Variants in NFX1 observed in about 807,000 individuals in gnomAD.
The protein encoded by NFX1 is nuclear transcription factor, X-box binding 1.
In NFX1, 69 loss-of-function variants were observed where a neutral mutation model predicts 137.2. That is an observed-to-expected ratio of 0.50 (90% CI 0.41 to 0.61). The LOEUF (loss-of-function observed/expected upper bound fraction) is 0.61, where lower values mean the gene tolerates loss of function less well. NFX1 is among the 20% of genes least tolerant of loss of function. NFX1 has a pLI of 0.00. For missense variants in NFX1, 1,167 were observed against 1,391.0 expected (o/e 0.84, Z 2.56); for synonymous variants, 495 against 474.1 (o/e 1.04, Z -0.57).
At chr9:33,342,128 T>TCACACACA (rs150408873) in intron 12 of NFX1, among the ~76,000 whole-genome samples, 41 of 146,182 alleles carry the variant, frequency 2.8e-4, no homozygotes, top group African/African-American at 1.0e-3. Flanking sequence ...TCTCTCTCTC[T>TCACACACA]CACACACACA....
At position 33,370,155 on chromosome 9, in the gene NFX1, A is replaced by G. The variant is rs1824285329; in HGVS notation, c.*177A>G. On this transcript the variant is annotated 3_prime_UTR_variant, in exon 24 of 24. Coordinates refer to ENST00000379540, the MANE Select transcript of NFX1 (RefSeq NM_002504.6). Reference sequence around the variant, plus strand: ...AAATCCCTTGTCTATTCCTGTCTGTATAAAGTGTTTCATTATGACCAGATC... The same window carrying G: ...AAATCCCTTGTCTATTCCTGTCTGTGTAAAGTGTTTCATTATGACCAGATC... The G allele has an allele frequency of 7.2e-6, 4 of 555,126 alleles. No individual in the cohort carries two copies. Among genetic ancestry groups the G allele is most frequent in the South Asian group, 5.2e-5 (2 of 38,834 alleles). The allele number at this position is 555,126 out of a possible 1,614,324, so 34.4% of individuals were successfully genotyped here.
intron 12 of NFX1, among the ~76,000 whole-genome samples, chr9:33,341,633 T>G (rs944705200): frequency 6.6e-6 from 1 of 152,164 alleles, no homozygotes; most frequent in African/African-American, 2.4e-5. Context: ...CTTCCTCTTA[T>G]TATAAAAAAA....
rs1253378899 is a variant in NFX1, at chr9:33,342,736, C to CT, written c.2116-6dup. On this transcript the variant is annotated splice_polypyrimidine_tract_variant and intron_variant, in intron 12 of 23. Transcript: ENST00000379540. Reference sequence around the variant, plus strand: ...CCATTTTATGAACAAATATAAATCTCTTTTCCCAGGATAAGGAGCACAAGT... The same window carrying CT: ...CCATTTTATGAACAAATATAAATCTCTTTTTCCCAGGATAAGGAGCACAAGT... 4 of 1,583,700 alleles carry CT rather than the reference C, an allele frequency of 2.5e-6. No individual in the cohort carries two copies. The East Asian group carries it at 9.0e-5, about 35-fold the overall frequency.
chr9:33,347,565 C>T (rs1823470959), intron 15 of NFX1: 1 of 193,312 alleles, frequency 5.2e-6, no homozygotes, highest in Admixed American at 5.8e-5. Flanking sequence ...AAAGGGAACA[C>T]TTTTACACTG....
intron 4 of NFX1, among the ~76,000 whole-genome samples, chr9:33,305,153 C>G (rs1370727175): frequency 6.6e-6 from 1 of 152,190 alleles, no homozygotes; most frequent in Non-Finnish European, 1.5e-5. Flanking sequence ...GGTTAACTTA[C>G]CAGAGCTTAC....
At chr9:33,365,151 G>A (rs1481480521) in intron 21 of NFX1, 1 of 225,566 alleles carries the variant, frequency 4.4e-6, no homozygotes, top group Admixed American at 6.0e-5. Context: ...GCGGGCACCT[G>A]TTATTCCAGC....
rs765801764 is a variant in NFX1 at position 33,363,999 on chromosome 9, C to G, written c.2874-11C>G. 2 of 1,551,334 alleles carry G rather than the reference C, an allele frequency of 1.3e-6. No homozygotes were observed. The highest frequency in any genetic ancestry group is 1.2e-5 in the South Asian group (1 of 81,602). On this transcript the variant is annotated splice_polypyrimidine_tract_variant and intron_variant, in intron 19 of 23. Coordinates refer to ENST00000379540, the MANE Select transcript of NFX1 (RefSeq NM_002504.6). ...ACTCCTTTTATTTGCATACCTCTCT[C>G]TCTCTTTCAGGAGATTAGCAGAGGC...
At chr9:33,337,340 T>G (rs1352389313) in intron 11 of NFX1, among the ~76,000 whole-genome samples, 1 of 152,194 alleles carries the variant, frequency 6.6e-6, no homozygotes, top group Non-Finnish European at 1.5e-5. Flanking sequence ...ATTTGAAGTA[T>G]AAGGGAGGGT....
chr9:33,365,799 T>C (rs982842615), intron 21 of NFX1: 4 of 152,160 alleles, frequency 2.6e-5, no homozygotes, highest in African/African-American at 9.7e-5. Context: ...TTCTTTATAA[T>C]TCCAAAGGCA....
rs1258349634 is a variant in NFX1, at chr9:33,352,586, A to G, written c.2656-60A>G. On this transcript the variant is annotated intron_variant, in intron 16 of 23. Coordinates refer to ENST00000379540, the MANE Select transcript of NFX1 (RefSeq NM_002504.6). ...TTTAAGAGAGGATTTAAGAGTGAAA[A>G]GTGCTTTATTCACATAGTTCCAGTG... The G allele has an allele frequency of 3.5e-6, 5 of 1,413,890 alleles. No individual in the cohort carries two copies. In the African/African-American group the frequency reaches 7.0e-5, roughly 20 times the overall value. 87.6% of individuals were successfully genotyped at this position (1,413,890 alleles called of 1,614,324 possible). A position where few individuals can be genotyped will look rare whatever the true frequency, so the allele number is the denominator to read the frequency against.
chr9:33,293,437 T>G (rs973573326), intron 1 of NFX1, among the ~76,000 whole-genome samples: 8 of 152,202 alleles, frequency 5.3e-5, no homozygotes, highest in African/African-American at 1.9e-4. Flanking sequence ...CCATTTTGTG[T>G]GTGTTATTAA....
intron 12 of NFX1, among the ~76,000 whole-genome samples, chr9:33,341,675 A>C (rs1401407025): frequency 1.3e-5 from 2 of 152,226 alleles, no homozygotes. Context: ...TCACACCTGT[A>C]ATTCCACTTT....
chr9:33,367,059 G>A (rs1211003849), intron 22 of NFX1, among the ~76,000 whole-genome samples: 2 of 152,256 alleles, frequency 1.3e-5, no homozygotes, highest in Non-Finnish European at 2.9e-5. Context: ...AAGGGGGCCT[G>A]CCCATCATAT....
rs756238391 is a variant in NFX1 at position 33,295,055 on chromosome 9, G to A, written c.661G>A (p.Ala221Thr). The A allele has an allele frequency of 1.9e-6, 3 of 1,614,138 alleles. No individual in the cohort carries two copies. Among genetic ancestry groups the A allele is most frequent in the Non-Finnish European group, 2.5e-6 (3 of 1,180,020 alleles). The change falls in exon 2 of 24, where the codon GCA becomes ACA. Residue 221 changes from alanine to threonine, a missense_variant. This residue lies in a region of NFX1 where 367 missense variants were observed against 386.7 expected (regional missense o/e 0.95). Transcript: ENST00000379540. ...VGVFHPDSSE[A>T]SSRKGVLDGY... ...GGTTTTCCACCCTGACTCTTCAGAG[G>A]CATCCTCTAGAAAAGGAGTATTGGA...
intron 13 of NFX1, among the ~76,000 whole-genome samples, chr9:33,343,496 T>C (rs1427039018): frequency 6.6e-6 from 1 of 152,194 alleles, no homozygotes; most frequent in Non-Finnish European, 1.5e-5. Context: ...CTTACACAGA[T>C]AGCCTTACAC....
Position 33,354,201 on chromosome 9 carries a change from T to C in NFX1, c.2831+14T>C, listed in dbSNP as rs1823739001. ...TCATCAAGCCAGGTAATTTTTAAAA[T>C]GCATATATGTGCCTTCTTTCTTCAA... On this transcript the variant is annotated intron_variant, in intron 18 of 23. Coordinates refer to ENST00000379540, the MANE Select transcript of NFX1 (RefSeq NM_002504.6). The C allele has an allele frequency of 1.9e-6, 3 of 1,581,192 alleles. No individual in the cohort carries two copies. The highest frequency in any genetic ancestry group is 2.6e-6 in the Non-Finnish European group (3 of 1,158,078).
intron 16 of NFX1, 29 bp downstream of exon 16, chr9:33,351,819 TTG>T: frequency 1.3e-6 from 2 of 1,530,140 alleles, no homozygotes; most frequent in Middle Eastern, 1.8e-4. Flanking sequence ...AGATGCAGCA[TTG>T]ACTGTAGTTC....
chr9:33,339,954 C>T (rs901055341), intron 12 of NFX1, among the ~76,000 whole-genome samples: 18 of 152,234 alleles, frequency 1.2e-4, no homozygotes, highest in Non-Finnish European at 2.5e-4. Flanking sequence ...CAGTGTGCAG[C>T]CCCCCTCCCA....
At chr9:33,313,578 G>A in intron 6 of NFX1, 76 bp from the exon 7 acceptor site, 1 of 1,463,784 alleles carries the variant, frequency 6.8e-7, no homozygotes, top group Non-Finnish European at 9.4e-7. Context: ...GGGAGAGTTA[G>A]GGGCCGCAGT....
Sources: gnomAD v4.1 joint callset for allele counts (sites outside exome capture counted in the v4.1 genomes callset) on GRCh38, gnomAD v4.1.1 for gene constraint, gnomAD v4.1.1 regional missense constraint, MANE v1.5 for transcripts, NCBI Gene and HGNC (gene_info 2026-07-23, HGNC 2026-07-21) for gene names.